EVC: variants seen among roughly 807,000 people sequenced by gnomAD.
EVC encodes the protein evC complex member EVC.
A neutral mutation model predicts 118.9 loss-of-function variants in EVC; 116 were observed. That is an observed-to-expected ratio of 0.98 (90% CI 0.84 to 1.14). The LOEUF (loss-of-function observed/expected upper bound fraction) is 1.14, where lower values mean the gene tolerates loss of function less well. Ranked by LOEUF, EVC falls within the 50% of genes most tolerant of loss-of-function variation. The pLI is 0.00. For missense variants in EVC, 1,401 were observed against 1,246.4 expected (o/e 1.12, Z -1.87); for synonymous variants, 619 against 534.7 (o/e 1.16, Z -2.18).
chr4:5,819,479 C>T, the EVC span, among the ~76,000 whole-genome samples: 1 of 152,238 alleles, frequency 6.6e-6, no homozygotes, highest in African/African-American at 2.4e-5. Flanking sequence ...CTCCTGTCCC[C>T]TGTAACTGTG....
At chr4:5,764,297 G>C (rs201393111) in intron 11 of EVC, among the ~76,000 whole-genome samples, 1 of 126,604 alleles carries the variant, frequency 7.9e-6, no homozygotes, top group Admixed American at 7.6e-5. Context: ...TGCTGGATTC[G>C]GTTTGCCAGT....
intron 12 of EVC, 113 bp downstream of exon 12, chr4:5,783,877 G>T (rs149528613): frequency 4.0e-6 from 4 of 995,546 alleles, no homozygotes; most frequent in Non-Finnish European, 6.1e-6. Context: ...GGTGCTCTAC[G>T]GAGATGACTG....
intron 12 of EVC, 132 bp from the exon 13 acceptor site, chr4:5,793,476 A>T: frequency 1.3e-6 from 1 of 799,902 alleles, no homozygotes; most frequent in Non-Finnish European, 2.2e-6. Flanking sequence ...AGAAAATGTT[A>T]ATGAAATCGG....
intron 11 of EVC, among the ~76,000 whole-genome samples, chr4:5,773,027 C>T (rs554555252): frequency 1.3e-5 from 2 of 152,286 alleles, no homozygotes; most frequent in East Asian, 1.9e-4. Context: ...GCACTGTCCC[C>T]TGTTGGGCTG....
intron 5 of EVC, among the ~76,000 whole-genome samples, chr4:5,740,599 C>T (rs1174731498): frequency 6.6e-6 from 1 of 151,920 alleles, no homozygotes; most frequent in East Asian, 1.9e-4. Context: ...TGGAATTCAT[C>T]AAAATTAAAA....
rs1730011339 is a variant in EVC, at chr4:5,749,394, A to G, written c.1098+1088A>G. ...CTTATTTTTGTGAAGCCTGCCAACC[A>G]CAGATAAGCAAAAAAGTCCTCACAT... is the stretch of plus-strand genomic sequence containing the variant. On this transcript the variant is annotated intron_variant, in intron 8 of 20. Coordinates refer to ENST00000264956, the MANE Select transcript of EVC (RefSeq NM_153717.3). The surrounding 1 kb of genome is among the most constrained non-coding windows in gnomAD (Gnocchi z 4.4). 6.6e-6 allele frequency among the ~76,000 whole-genome samples: 1 copy of G among 151,076 alleles called. No individual in the cohort carries two copies. The highest frequency in any genetic ancestry group is 2.4e-5 in the African/African-American group (1 of 41,066).
chr4:5,820,438 T>TGAA, the EVC span, among the ~76,000 whole-genome samples: 1 of 152,136 alleles, frequency 6.6e-6, no homozygotes, highest in Non-Finnish European at 1.5e-5. Flanking sequence ...GGAAGAAATG[T>TGAA]GAAGTTTAGG....
chr4:5,725,705 C>T (rs779867589), intron 2 of EVC, among the ~76,000 whole-genome samples: 13 of 152,156 alleles, frequency 8.5e-5, no homozygotes, highest in Non-Finnish European at 1.5e-4. Context: ...TTTTGCTGTG[C>T]AGAAGCTCTT....
the EVC span, among the ~76,000 whole-genome samples, chr4:5,827,279 G>A: frequency 6.6e-6 from 1 of 152,336 alleles, no homozygotes; most frequent in South Asian, 2.1e-4. Flanking sequence ...GTCCCAGCCA[G>A]GGATTTCCAT....
At chr4:5,777,832 A>ATTT (rs1292934039) in intron 11 of EVC, among the ~76,000 whole-genome samples, 50 of 102,876 alleles carry the variant, frequency 4.9e-4, no homozygotes, top group African/African-American at 1.3e-3. Flanking sequence ...TTTGAATGAA[A>ATTT]TTTTTTGTTG....
At chr4:5,825,741 C>G in the EVC span, 1 of 1,463,866 alleles carries the variant, frequency 6.8e-7, no homozygotes, top group Non-Finnish European at 9.3e-7. The surrounding 1 kb of genome is among the most constrained non-coding windows in gnomAD (Gnocchi z 4.4). Context: ...GCCCTGCGGG[C>G]GAGAGAGAAA....
chr4:5,726,768 G>T (rs1241008297), intron 2 of EVC, among the ~76,000 whole-genome samples: 7 of 126,254 alleles, frequency 5.5e-5, no homozygotes, highest in Non-Finnish European at 9.3e-5. Context: ...TCCCTTTCCT[G>T]TGTCCATGTG....
At position 5,742,136 on chromosome 4, in the gene EVC, C is replaced by T. The variant is rs1411403202; in HGVS notation, c.801+322C>T. Among the ~76,000 whole-genome samples the T allele has an allele frequency of 3.9e-5, 6 of 152,118 alleles. No homozygotes were observed. Among genetic ancestry groups the T allele is most frequent in the Non-Finnish European group, 8.8e-5 (6 of 68,022 alleles). The stretch of plus-strand genomic sequence containing the variant: ...TGTTTATTGGTTATAGCTATGTATA[C>T]TACTTTGTATTCTATTCTCAGTCTT... On this transcript the variant is annotated intron_variant, in intron 6 of 20. Transcript: ENST00000264956. This position sits in a 1 kb window ranked among gnomAD's most constrained non-coding sequence, Gnocchi z 5.2.
downstream of EVC, among the ~76,000 whole-genome samples, chr4:5,816,461 C>T (rs1041585265): frequency 6.6e-6 from 1 of 152,172 alleles, no homozygotes; most frequent in Non-Finnish European, 1.5e-5. Flanking sequence ...CATGACAGGG[C>T]TCCTCCAGAG....
chr4:5,820,516 A>G, the EVC span, among the ~76,000 whole-genome samples: 1 of 152,194 alleles, frequency 6.6e-6, no homozygotes, highest in African/African-American at 2.4e-5. Flanking sequence ...GAAAGGCCCA[A>G]CAGGAGGGAA....
chr4:5,821,666 C>T, the EVC span: 17 of 1,204,758 alleles, frequency 1.4e-5, no homozygotes, highest in Admixed American at 2.4e-4. This position sits in a 1 kb window ranked among gnomAD's most constrained non-coding sequence, Gnocchi z 4.4. Flanking sequence ...TCCATCAGCA[C>T]CAACTAAAAC....
At position 5,732,800 on chromosome 4, in the gene EVC, G is replaced by A. The variant is rs1467040355; in HGVS notation, c.618-551G>A. Among the ~76,000 whole-genome samples the A allele has an allele frequency of 5.3e-5, 8 of 152,130 alleles. No homozygotes were observed. The South Asian group carries it at 6.2e-4, about 12-fold the overall frequency. ...CAAGGTGGGTGGATTGCTTGAGCTC[G>A]GGAGTTTAAGACCAGCCCAGGCAAC... On this transcript the variant is annotated intron_variant, in intron 4 of 20. Transcript: ENST00000264956.
chr4:5,728,400 T>G (rs1394723055), intron 2 of EVC, among the ~76,000 whole-genome samples: 11 of 151,826 alleles, frequency 7.2e-5, no homozygotes, highest in African/African-American at 2.2e-4. Context: ...ATAAGAATGC[T>G]TGTGATTTTT....
In EVC at chr4:5,733,401, A is replaced by G. The variant is rs776205592; in HGVS notation, c.668A>G (p.His223Arg). ...AGCCTTCACTTAAAAGACCTGCTGC[A>G]TTTGGACACGGCACTGAGGCAGGAA... ...IYSLHLKDLL[H>R]LDTALRQEKH... Residue 223 changes from histidine (H) to arginine (R), a missense_variant, in exon 5 of 21, where the codon CAT becomes CGT. Coordinates refer to ENST00000264956, the MANE Select transcript of EVC (RefSeq NM_153717.3). 30 of 1,614,010 alleles carry G rather than the reference A, an allele frequency of 1.9e-5. No homozygotes were observed. The highest frequency in any genetic ancestry group is 2.3e-5 in the Non-Finnish European group (27 of 1,180,010).
Sources: gnomAD v4.1 joint callset for allele counts (sites outside exome capture counted in the v4.1 genomes callset) on GRCh38, gnomAD v4.1.1 for gene constraint, Gnocchi (gnomAD v3.1) non-coding constraint, MANE v1.5 for transcripts, NCBI Gene and HGNC (gene_info 2026-07-23, HGNC 2026-07-21) for gene names.